Variants in MTUS2 observed in about 807,000 individuals in gnomAD.
The protein encoded by MTUS2 is microtubule-associated tumor suppressor candidate 2.
In MTUS2, 40 loss-of-function variants were observed where a neutral mutation model predicts 114.1. That is an observed-to-expected ratio of 0.35 (90% CI 0.27 to 0.46). The LOEUF is 0.46. MTUS2 is among the 20% of genes least tolerant of loss of function. The pLI is 1.00. For missense variants in MTUS2, 1,679 were observed against 1,705.4 expected (o/e 0.98, Z 0.27); for synonymous variants, 688 against 672.0 (o/e 1.02, Z -0.37).
intron 2 of MTUS2, among the ~76,000 whole-genome samples, chr13:28,866,698 A>G (rs1299701930): frequency 6.6e-6 from 1 of 152,132 alleles, no homozygotes; most frequent in Non-Finnish European, 1.5e-5. Flanking sequence ...GATAAAGTAT[A>G]TGTAATTTTC....
chr13:28,857,482 G>A (rs1236040230), intron 2 of MTUS2, among the ~76,000 whole-genome samples: 1 of 152,274 alleles, frequency 6.6e-6, no homozygotes, highest in East Asian at 1.9e-4. Flanking sequence ...GGGGTATCCA[G>A]GAAGAAAGAG....
At chr13:29,407,196 A>C (rs1874825040) in intron 8 of MTUS2, among the ~76,000 whole-genome samples, 1 of 152,138 alleles carries the variant, frequency 6.6e-6, no homozygotes, top group Admixed American at 6.5e-5. Context: ...CAGTGAGCTG[A>C]GGTCGTGCCA....
intron 2 of MTUS2, among the ~76,000 whole-genome samples, chr13:28,921,623 C>G (rs1191972561): frequency 6.6e-6 from 1 of 152,118 alleles, no homozygotes; most frequent in South Asian, 2.1e-4. Flanking sequence ...TCCTTGTGTC[C>G]TAGACTGCCT....
rs200709567 is a variant in MTUS2, at chr13:29,026,016, A to G, written c.1318A>G (p.Ile440Val). Residue 440 changes from isoleucine (I) to valine (V), a missense_variant, in exon 3 of 16, where the codon ATT becomes GTT. Ile to Val is a conservative substitution (Grantham distance 29). Around this residue, in one of 3 missense-constraint regions of MTUS2, gnomAD observed 843 missense variants for 770.8 expected, o/e 1.09. Coordinates refer to ENST00000612955, the MANE Select transcript of MTUS2 (RefSeq NM_001033602.4). ...ACCAGGTGACAGTCATGTGGCTTTT[A>G]TTCCTAATAATCTGACTGACAGCAA... ...FSPGDSHVAF[I>V]PNNLTDSKPL... 2.0e-5 allele frequency: 33 copies of G among 1,613,898 alleles called. No homozygotes were observed. The highest frequency in any genetic ancestry group is 3.3e-5 in the Admixed American group (2 of 60,006).
chr13:29,379,191 G>T (rs1485990527), intron 8 of MTUS2, among the ~76,000 whole-genome samples: 1 of 152,208 alleles, frequency 6.6e-6, no homozygotes, highest in Non-Finnish European at 1.5e-5. Context: ...AGCAGCATGA[G>T]AACAGACTAA....
intron 7 of MTUS2, among the ~76,000 whole-genome samples, chr13:29,341,657 G>T (rs1298288431): frequency 6.6e-6 from 1 of 152,030 alleles, no homozygotes; most frequent in Admixed American, 6.6e-5. Context: ...TTAAGTCCCA[G>T]CTATTTATCT....
chr13:29,309,956 C>A (rs1463014516), intron 6 of MTUS2, among the ~76,000 whole-genome samples: 1 of 152,042 alleles, frequency 6.6e-6, no homozygotes, highest in East Asian at 1.9e-4. Context: ...TTTAAATATA[C>A]AAAAAATTAT....
chr13:29,491,722 GGT>G (rs200557963), intron 11 of MTUS2, among the ~76,000 whole-genome samples: 53 of 143,084 alleles, frequency 3.7e-4, no homozygotes, highest in African/African-American at 1.1e-3. Flanking sequence ...GTGTGTGGTA[GGT>G]GTGTGTGGGG....
intron 9 of MTUS2, among the ~76,000 whole-genome samples, chr13:29,461,442 A>G (rs1361011282): frequency 2.6e-5 from 4 of 152,162 alleles, no homozygotes; most frequent in Non-Finnish European, 5.9e-5. Context: ...ATAACAAATC[A>G]CTCCATCCCA....
intron 8 of MTUS2, among the ~76,000 whole-genome samples, chr13:29,385,793 G>A (rs1243717796): frequency 6.6e-6 from 1 of 152,124 alleles, no homozygotes; most frequent in African/African-American, 2.4e-5. Context: ...ACATTTTCTT[G>A]TTTGCCAAAA....
chr13:29,479,902 C>T (rs1027494641), intron 9 of MTUS2, among the ~76,000 whole-genome samples: 1 of 152,240 alleles, frequency 6.6e-6, no homozygotes, highest in African/African-American at 2.4e-5. Context: ...GCTCCTTCTC[C>T]AGCCGCTGGA....
At chr13:29,068,332 A>T (rs1888754874) in intron 4 of MTUS2, among the ~76,000 whole-genome samples, 1 of 152,246 alleles carries the variant, frequency 6.6e-6, no homozygotes, top group Non-Finnish European at 1.5e-5. Flanking sequence ...GCAACTCAGC[A>T]TGCCTAGTAA....
At chr13:29,256,414 T>G (rs745591861) in intron 5 of MTUS2, among the ~76,000 whole-genome samples, 9 of 152,158 alleles carry the variant, frequency 5.9e-5, no homozygotes, top group Non-Finnish European at 1.0e-4. Flanking sequence ...AGACGAGGTC[T>G]GTGAGATGAA....
chr13:29,441,464 C>T (rs2138688933), intron 9 of MTUS2, among the ~76,000 whole-genome samples: 1 of 152,336 alleles, frequency 6.6e-6, no homozygotes, highest in Middle Eastern at 3.4e-3. Flanking sequence ...CCCCAAGCAG[C>T]ATTCACAGTG....
chr13:29,088,864 A>G (rs913697266), intron 4 of MTUS2, among the ~76,000 whole-genome samples: 3 of 152,076 alleles, frequency 2.0e-5, no homozygotes, highest in Non-Finnish European at 4.4e-5. Context: ...TGCATGTGAG[A>G]TGGATCTCTT....
intron 5 of MTUS2, among the ~76,000 whole-genome samples, chr13:29,184,454 A>G (rs2139170707): frequency 6.6e-6 from 1 of 152,306 alleles, no homozygotes; most frequent in South Asian, 2.1e-4. Context: ...ATTCATGTTC[A>G]TGGAAGACCT....
At chr13:29,176,852 G>GCCTCCCTGCATCCCT (rs1893796263) in intron 5 of MTUS2, among the ~76,000 whole-genome samples, 1 of 151,332 alleles carries the variant, frequency 6.6e-6, no homozygotes, top group African/African-American at 2.5e-5. Flanking sequence ...TGGCACAGCA[G>GCCTCCCTGCATCCCT]CCTCCCTGCA....
intron 2 of MTUS2, among the ~76,000 whole-genome samples, chr13:28,987,186 G>A (rs1158871606): frequency 6.6e-6 from 1 of 152,206 alleles, no homozygotes; most frequent in Admixed American, 6.5e-5. Context: ...TCAGCCTACA[G>A]GTGGTAGTGA....
chr13:29,346,821 G>C (rs1261489925), intron 7 of MTUS2, among the ~76,000 whole-genome samples: 4 of 148,242 alleles, frequency 2.7e-5, no homozygotes, highest in Admixed American at 2.0e-4. Flanking sequence ...CCTGGGGTCT[G>C]AGAGTGCCCA....
Sources: gnomAD v4.1 joint callset for allele counts (sites outside exome capture counted in the v4.1 genomes callset) on GRCh38, gnomAD v4.1.1 for gene constraint, gnomAD v4.1.1 regional missense constraint, MANE v1.5 for transcripts, NCBI Gene and HGNC (gene_info 2026-07-23, HGNC 2026-07-21) for gene names.